IMMP1L: variants seen among roughly 807,000 people sequenced by gnomAD.
IMMP1L encodes the protein inner mitochondrial membrane peptidase subunit 1.
In IMMP1L, 24 loss-of-function variants were observed where a neutral mutation model predicts 21.8. The ratio of observed to expected loss-of-function variants is 1.10; its 90% CI spans 0.80 to 1.55. The LOEUF is 1.55. Among genes scored for constraint, IMMP1L ranks in the 40% most tolerant of loss-of-function variants. The pLI, the probability that IMMP1L is intolerant of heterozygous loss-of-function variation, is 0.00. For synonymous variants in IMMP1L, 46 were observed against 62.8 expected (o/e 0.73, Z 1.26); for missense variants, 195 against 200.7 (o/e 0.97, Z 0.17).
At chr11:31,443,414 G>C (rs543033298) in intron 4 of IMMP1L, among the ~76,000 whole-genome samples, 28 of 152,272 alleles carry the variant, frequency 1.8e-4, no homozygotes, top group Non-Finnish European at 3.8e-4. Context: ...ACAAAGGTGA[G>C]AAAACATTAA....
intron 4 of IMMP1L, chr11:31,437,115 C>T (rs1259279149): frequency 4.5e-6 from 2 of 443,068 alleles, no homozygotes; most frequent in Non-Finnish European, 9.1e-6. Context: ...TGCTGATCCA[C>T]CTCTATAAGT....
At chr11:31,463,405 G>A (rs953497717) in intron 1 of IMMP1L, 100 bp from the exon 2 acceptor site, 12 of 1,118,340 alleles carry the variant, frequency 1.1e-5, no homozygotes, top group Non-Finnish European at 1.4e-5. Context: ...AATGTACTAA[G>A]TGCCTAATAC....
At chr11:31,498,923 C>T (rs1333571842) in intron 1 of IMMP1L, among the ~76,000 whole-genome samples, 2 of 152,122 alleles carry the variant, frequency 1.3e-5, no homozygotes, top group African/African-American at 4.8e-5. Flanking sequence ...ACCAATACAT[C>T]CATGGAGAGA....
chr11:31,436,972 A>G lies in IMMP1L; in HGVS notation c.322-3402T>C. ...ACAGTAAAGGGATTGCCTACATCTCAGACAACACTTCATGTAAAGTACACA... is the reference window on the plus strand; with the variant it reads ...ACAGTAAAGGGATTGCCTACATCTCGGACAACACTTCATGTAAAGTACACA... On this transcript the variant is annotated intron_variant, in intron 4 of 5. Coordinates refer to ENST00000532287, the MANE Select transcript of IMMP1L (RefSeq NM_001304274.2). 1.3e-5 allele frequency: 3 copies of G among 226,398 alleles called. 1 individual carries two copies. The South Asian group carries it at 1.9e-4, about 14-fold the overall frequency. 14.0% of individuals were successfully genotyped at this position (226,398 alleles called of 1,614,324 possible).
intron 4 of IMMP1L, among the ~76,000 whole-genome samples, chr11:31,440,682 C>A (rs1279373966): frequency 6.6e-6 from 1 of 152,200 alleles, no homozygotes; most frequent in Non-Finnish European, 1.5e-5. Context: ...TGAGCCACTG[C>A]GCCCAGCCTT....
intron 1 of IMMP1L, among the ~76,000 whole-genome samples, chr11:31,468,962 C>A (rs759049572): frequency 6.6e-6 from 1 of 152,086 alleles, no homozygotes; most frequent in Non-Finnish European, 1.5e-5. Context: ...CATATCCTTG[C>A]CAACATTTGT....
At chr11:31,446,880 T>TA (rs1246817049) in intron 4 of IMMP1L, among the ~76,000 whole-genome samples, 2 of 152,210 alleles carry the variant, frequency 1.3e-5, no homozygotes, top group East Asian at 3.8e-4. Context: ...CTCCTAAAGT[T>TA]ACACTGTCCA....
chr11:31,458,307 T>C (rs1182206831), intron 3 of IMMP1L, among the ~76,000 whole-genome samples: 1 of 152,090 alleles, frequency 6.6e-6, no homozygotes, highest in Non-Finnish European at 1.5e-5. Flanking sequence ...TCATTTATAT[T>C]TATAAACATC....
chr11:31,470,140 T>G (rs1420940115), intron 1 of IMMP1L, among the ~76,000 whole-genome samples: 1 of 152,054 alleles, frequency 6.6e-6, no homozygotes, highest in Non-Finnish European at 1.5e-5. Flanking sequence ...ATGGGCTGGG[T>G]GCAGTGGCTC....
At chr11:31,482,317 TAAAC>T (rs961014544) in intron 1 of IMMP1L, among the ~76,000 whole-genome samples, 16 of 152,042 alleles carry the variant, frequency 1.1e-4, no homozygotes, top group Admixed American at 2.0e-4. Context: ...AAATATTTCT[TAAAC>T]AAGAATTAAA....
intron 1 of IMMP1L, among the ~76,000 whole-genome samples, chr11:31,484,929 C>CA (rs745347138): frequency 4.6e-5 from 7 of 151,780 alleles, no homozygotes; most frequent in Non-Finnish European, 1.0e-4. Flanking sequence ...AATTAAAAAA[C>CA]AAACCTCATA....
intron 2 of IMMP1L, 49 bp from the exon 3 acceptor site, chr11:31,460,763 T>A (rs756572968): frequency 8.3e-7 from 1 of 1,209,542 alleles, no homozygotes; most frequent in Non-Finnish European, 1.2e-6. Flanking sequence ...TCTTTTAAAT[T>A]TAACATAAAT....
intron 4 of IMMP1L, among the ~76,000 whole-genome samples, chr11:31,449,702 T>C (rs1953674518): frequency 6.6e-6 from 1 of 152,192 alleles, no homozygotes; most frequent in Non-Finnish European, 1.5e-5. Context: ...ACATTACTTA[T>C]TCACCTCCCA....
intron 1 of IMMP1L, among the ~76,000 whole-genome samples, chr11:31,465,688 T>C (rs1203610840): frequency 6.6e-6 from 1 of 152,040 alleles, no homozygotes; most frequent in African/African-American, 2.4e-5. Flanking sequence ...GAACATACAC[T>C]GGAGAAAGGA....
At chr11:31,452,896 G>A (rs181758814) in intron 4 of IMMP1L, 17 of 578,734 alleles carry the variant, frequency 2.9e-5, no homozygotes, top group African/African-American at 1.6e-4. Context: ...GATGACAGGC[G>A]CCTGCCACCA....
Position 31,463,291 on chromosome 11 carries a change from T to C in IMMP1L, c.-15A>G, listed in dbSNP as rs1457082432. 1 of 1,591,544 alleles carries C rather than the reference T, an allele frequency of 6.3e-7. No homozygotes were observed. On this transcript the variant is annotated 5_prime_UTR_variant, in exon 2 of 6. Transcript: ENST00000532287. The stretch of plus-strand genomic sequence containing the variant: ...CCACGAAGCATAGTTCTATGTAGAC[T>C]CTGCCACCATTGGCCTGATGGTAAA...
chr11:31,467,681 G>A (rs1243335874), intron 1 of IMMP1L, among the ~76,000 whole-genome samples: 2 of 151,864 alleles, frequency 1.3e-5, no homozygotes, highest in African/African-American at 2.4e-5. Flanking sequence ...TACCACCAGT[G>A]TAATAATTGA....
At position 31,456,490 on chromosome 11, in the gene IMMP1L, A is replaced by T; in HGVS notation, c.195-104T>A. 6 of 850,930 alleles carry T rather than the reference A, an allele frequency of 7.1e-6. No homozygotes were observed. The South Asian group carries it at 1.1e-4, about 16-fold the overall frequency. 52.7% of individuals were successfully genotyped at this position (850,930 alleles called of 1,614,324 possible). On this transcript the variant is annotated intron_variant, in intron 3 of 5. Transcript: ENST00000532287. Reference sequence around the variant, plus strand: ...ATAAGACAACTTAAACAAAGCCATAACCTTTATCCTCTCATATACTTACTC... The same window carrying T: ...ATAAGACAACTTAAACAAAGCCATATCCTTTATCCTCTCATATACTTACTC...
chr11:31,451,436 C>T (rs1239278585), intron 4 of IMMP1L, among the ~76,000 whole-genome samples: 1 of 152,068 alleles, frequency 6.6e-6, no homozygotes, highest in Non-Finnish European at 1.5e-5. Flanking sequence ...AGTGGCAAAA[C>T]GTGGTTTGAT....
Sources: gnomAD v4.1 joint callset for allele counts (sites outside exome capture counted in the v4.1 genomes callset) on GRCh38, gnomAD v4.1.1 for gene constraint, MANE v1.5 for transcripts, NCBI Gene and HGNC (gene_info 2026-07-23, HGNC 2026-07-21) for gene names.